The following NRG3 variants were observed in gnomAD, a reference collection of about 807,000 sequenced individuals.
The protein encoded by NRG3 is pro-neuregulin-3, membrane-bound isoform.
Under a neutral mutation model 66.9 loss-of-function variants are expected in NRG3, and 31 were observed. The observed-to-expected ratio is 0.46, with a 90% CI of 0.35 to 0.63. The LOEUF (loss-of-function observed/expected upper bound fraction) is 0.63. NRG3 is among the 20% of genes least tolerant of loss of function. The pLI, the probability that NRG3 is intolerant of heterozygous loss-of-function variation, is 0.00. For missense variants in NRG3, 910 were observed against 878.9 expected, an observed-to-expected ratio of 1.04 and a Z score of -0.45; for synonymous variants, 393 against 359.4, an observed-to-expected ratio of 1.09 and a Z score of -1.06.
In NRG3 at chr10:82,236,778, C is replaced by T. The variant is rs549427309; in HGVS notation, c.824-121961C>T. On this transcript the variant is annotated intron_variant, in intron 1 of 8. Coordinates refer to ENST00000372141, the MANE Select transcript of NRG3 (RefSeq NM_001010848.4). ...TTGCCCAGGCTGGAGTGCAGTGGTG[C>T]GATCTCCGCCTACTGCAAGCTCCGC... Among the ~76,000 whole-genome samples the T allele has an allele frequency of 3.8e-5, 5 of 130,592 alleles. No homozygotes were observed. In the East Asian group the frequency reaches 6.9e-4, roughly 18 times the overall value. 85.7% of individuals were successfully genotyped at this position (130,592 alleles called of 152,430 possible). A position where few individuals can be genotyped will look rare whatever the true frequency, so the allele number is the denominator to read the frequency against.
chr10:82,943,028 T>G (rs1330885128), intron 4 of NRG3, among the ~76,000 whole-genome samples: 1 of 152,192 alleles, frequency 6.6e-6, no homozygotes, highest in Non-Finnish European at 1.5e-5. Flanking sequence ...GGACACAGAC[T>G]TCTCCAGAGT....
chr10:81,928,347 C>T (rs1237078149), intron 1 of NRG3, among the ~76,000 whole-genome samples: 1 of 152,166 alleles, frequency 6.6e-6, no homozygotes, highest in Non-Finnish European at 1.5e-5. Flanking sequence ...CACCTCCCTC[C>T]TCTTTCTCAG....
At chr10:82,044,713 C>G (rs1423397274) in intron 1 of NRG3, among the ~76,000 whole-genome samples, 2 of 151,938 alleles carry the variant, frequency 1.3e-5, no homozygotes, top group African/African-American at 2.4e-5. Flanking sequence ...TCTCCTAATG[C>G]TATCCCTCCC....
intron 3 of NRG3, among the ~76,000 whole-genome samples, chr10:82,782,536 T>C (rs1325061054): frequency 6.6e-6 from 1 of 152,128 alleles, no homozygotes; most frequent in African/African-American, 2.4e-5. Context: ...CAACAACTGA[T>C]ACTGAGTAGC....
chr10:82,730,093 T>C (rs2057818771), intron 2 of NRG3, among the ~76,000 whole-genome samples: 1 of 149,648 alleles, frequency 6.7e-6, no homozygotes, highest in Non-Finnish European at 1.5e-5. Context: ...TTTTCCTTTT[T>C]TTTTTTTTTT....
At chr10:82,874,770 C>T (rs1057210191) in intron 4 of NRG3, among the ~76,000 whole-genome samples, 10 of 152,168 alleles carry the variant, frequency 6.6e-5, no homozygotes, top group African/African-American at 2.4e-4. Flanking sequence ...GAGTTGAATT[C>T]AAATCTGTCT....
intron 3 of NRG3, among the ~76,000 whole-genome samples, chr10:82,839,505 A>C (rs2062949307): frequency 6.6e-6 from 1 of 151,654 alleles, no homozygotes; most frequent in Non-Finnish European, 1.5e-5. Flanking sequence ...CAATACCATC[A>C]CCAAGGGATA....
intron 2 of NRG3, among the ~76,000 whole-genome samples, chr10:82,656,628 C>A (rs2051884913): frequency 6.6e-6 from 1 of 152,202 alleles, no homozygotes; most frequent in Admixed American, 6.5e-5. Context: ...CTGTCTGAAC[C>A]ATTTGCCCAG....
chr10:82,822,325 C>T (rs1416311923), intron 3 of NRG3, among the ~76,000 whole-genome samples: 2 of 152,034 alleles, frequency 1.3e-5, no homozygotes, highest in Non-Finnish European at 2.9e-5. Flanking sequence ...TGTTGATGCA[C>T]ATCTGAGACG....
chr10:82,427,075 G>T (rs534078963), intron 2 of NRG3, among the ~76,000 whole-genome samples: 1 of 152,010 alleles, frequency 6.6e-6, no homozygotes, highest in Non-Finnish European at 1.5e-5. Flanking sequence ...TTCCAGTAGG[G>T]TATGTGTGGG....
chr10:82,274,016 AC>A lies in NRG3; in HGVS notation c.824-84722del, dbSNP rs531917462. 4.1e-3 allele frequency among the ~76,000 whole-genome samples: 626 copies of A among 152,084 alleles called. 1 individual carries two copies. The highest frequency in any genetic ancestry group is 6.2e-3 in the Non-Finnish European group (423 of 67,970). On this transcript the variant is annotated intron_variant, in intron 1 of 8. Transcript: ENST00000372141. The stretch of plus-strand genomic sequence containing the variant: ...GAGGGAAGCTTTAAAATTATTGCAA[AC>A]GTTCTTGCAACGGATCCAGTTGCGC...
chr10:82,786,179 T>C (rs949101441), intron 3 of NRG3, among the ~76,000 whole-genome samples: 1 of 152,070 alleles, frequency 6.6e-6, no homozygotes, highest in Non-Finnish European at 1.5e-5. Context: ...ACCCCAGAAC[T>C]ACAGAGCAAC....
chr10:82,199,949 C>T (rs966514496), intron 1 of NRG3, among the ~76,000 whole-genome samples: 1 of 149,706 alleles, frequency 6.7e-6, no homozygotes, highest in African/African-American at 2.5e-5. Flanking sequence ...GGACTATATT[C>T]GTATCAGAGC....
chr10:82,764,222 A>T (rs749487210), intron 3 of NRG3, among the ~76,000 whole-genome samples: 1 of 151,912 alleles, frequency 6.6e-6, no homozygotes, highest in East Asian at 1.9e-4. Flanking sequence ...TTTAGTGGAG[A>T]TGGGGTTTTG....
chr10:82,875,678 T>C (rs1407936337), intron 4 of NRG3, among the ~76,000 whole-genome samples: 3 of 152,200 alleles, frequency 2.0e-5, no homozygotes, highest in Non-Finnish European at 4.4e-5. Flanking sequence ...CTTTACACTT[T>C]GATTTTCTGT....
chr10:82,166,346 T>C (rs964309319), intron 1 of NRG3, among the ~76,000 whole-genome samples: 14 of 152,184 alleles, frequency 9.2e-5, no homozygotes, highest in Non-Finnish European at 1.8e-4. Context: ...GATTCCATAT[T>C]ATGTTCTTTG....
intron 2 of NRG3, among the ~76,000 whole-genome samples, chr10:82,637,033 G>T (rs901907376): frequency 6.6e-6 from 1 of 152,046 alleles, no homozygotes; most frequent in Non-Finnish European, 1.5e-5. Context: ...ATTGTATTCA[G>T]GATTTTTGCT....
At chr10:82,598,749 G>A (rs143598973) in intron 2 of NRG3, among the ~76,000 whole-genome samples, 1 of 152,192 alleles carries the variant, frequency 6.6e-6, no homozygotes, top group East Asian at 1.9e-4. Context: ...TGAAAGTCCA[G>A]TTGAAAATGA....
intron 2 of NRG3, among the ~76,000 whole-genome samples, chr10:82,642,282 A>G (rs570922749): frequency 2.6e-5 from 4 of 151,156 alleles, no homozygotes; most frequent in Non-Finnish European, 5.9e-5. Context: ...TTTTTTTAAT[A>G]GAAGTATATT....
Sources: allele counts gnomAD v4.1 joint callset (sites outside exome capture counted in the v4.1 genomes callset), GRCh38; gene constraint gnomAD v4.1.1; transcripts MANE v1.5; gene names NCBI Gene and HGNC (gene_info 2026-07-23, HGNC 2026-07-21).